The following KXD1 variants were observed in gnomAD, a reference collection of about 807,000 sequenced individuals.
KXD1 encodes the protein kxDL motif-containing protein 1.
In KXD1, 5 loss-of-function variants were observed where a neutral mutation model predicts 12.1. The ratio of observed to expected loss-of-function variants is 0.41; its 90% CI spans 0.22 to 0.87. The LOEUF is 0.87. KXD1 is among the 40% of genes least tolerant of loss of function. KXD1 has a pLI of 0.31. For synonymous variants in KXD1, 98 were observed against 100.5 expected (o/e 0.98, Z 0.15); for missense variants, 193 against 244.9 (o/e 0.79, Z 1.41).
chr19:18,567,171 C>T lies in KXD1; in HGVS notation c.294C>T (p.Ala98=). 1 of 1,614,186 alleles carries T rather than the reference C, an allele frequency of 6.2e-7. No homozygotes were observed. Among genetic ancestry groups the T allele is most frequent in the South Asian group, 1.1e-5 (1 of 91,086 alleles). The change falls in exon 4 of 5, where the codon GCC becomes GCT. Residue 98 remains alanine, a synonymous_variant. Transcript: ENST00000222307. ...KGKLARQHPE[A]FSHIPEASFL... ...AACTGGCCAGGCAGCACCCAGAGGC[C>T]TTCAGCCGTAAGTGTCACGCAGGGT... is the stretch of plus-strand genomic sequence containing the variant.
At chr19:18,567,250 CA>C in intron 4 of KXD1, 72 bp downstream of exon 4, 1 of 1,478,008 alleles carries the variant, frequency 6.8e-7, no homozygotes, top group Non-Finnish European at 9.4e-7. Context: ...TCTGGAAGGC[CA>C]CCTTGGGGCC....
chr19:18,566,282 C>CTACTAAAAATACAAAAAA (rs1975223806), intron 3 of KXD1, among the ~76,000 whole-genome samples: 2 of 151,898 alleles, frequency 1.3e-5, no homozygotes, highest in Non-Finnish European at 2.9e-5. Flanking sequence ...AACCCCGTCT[C>CTACTAAAAATACAAAAAA]TACTAAAAAT....
rs556946170 is a variant in KXD1 at position 18,564,350 on chromosome 19, G to A, written c.102-519G>A. The stretch of plus-strand genomic sequence containing the variant: ...AAAAGAGTCTGATTGGGCCAGGCAC[G>A]ATGGCTCACTCCTGTAATCCCAGCA... On this transcript the variant is annotated intron_variant, in intron 2 of 4. Transcript: ENST00000222307. 7.0e-4 allele frequency among the ~76,000 whole-genome samples: 106 copies of A among 152,158 alleles called. 2 individuals are homozygous for A. The South Asian group carries it at 0.021, about 30-fold the overall frequency.
intron 4 of KXD1, 121 bp downstream of exon 4, chr19:18,567,299 G>A: frequency 1.0e-6 from 1 of 994,292 alleles, no homozygotes; most frequent in East Asian, 2.5e-5. Flanking sequence ...AGTGGGTCTG[G>A]GGAAACCTGG....
At chr19:18,564,194 T>A (rs1975081852) in intron 2 of KXD1, among the ~76,000 whole-genome samples, 1 of 151,648 alleles carries the variant, frequency 6.6e-6, no homozygotes, top group African/African-American at 2.4e-5. Flanking sequence ...TGGTCTCCTG[T>A]TTTTTTAGGT....
chr19:18,564,771 T>A, intron 2 of KXD1, 98 bp from the exon 3 acceptor site: 1 of 1,369,178 alleles, frequency 7.3e-7, no homozygotes, highest in East Asian at 2.3e-5. Context: ...GCAAAGGTTG[T>A]GAAGCAGGCA....
In KXD1 at chr19:18,568,812, G is replaced by A. The variant is rs1287356254; in HGVS notation, c.*181G>A. On this transcript the variant is annotated 3_prime_UTR_variant, in exon 5 of 5. Coordinates refer to ENST00000222307, the MANE Select transcript of KXD1 (RefSeq NM_024069.4). ...AATTCCTGGGGGGGTCTTTAATTCTGGCTCCTTCCTTCCTCAGAACATCTC... is the reference window on the plus strand; with the variant it reads ...AATTCCTGGGGGGGTCTTTAATTCTAGCTCCTTCCTTCCTCAGAACATCTC... 3.3e-6 allele frequency: 2 copies of A among 597,350 alleles called. No individual in the cohort carries two copies. Among genetic ancestry groups the A allele is most frequent in the Admixed American group, 3.0e-5 (1 of 33,348 alleles). 37.0% of individuals were successfully genotyped at this position (597,350 alleles called of 1,614,324 possible).
chr19:18,568,058 G>A (rs1274067905), intron 4 of KXD1, among the ~76,000 whole-genome samples: 1 of 152,008 alleles, frequency 6.6e-6, no homozygotes, highest in African/African-American at 2.4e-5. Flanking sequence ...ACCTGAGGTC[G>A]GGAGTTCGAT....
At chr19:18,565,276 C>T (rs1163729940) in intron 3 of KXD1, 1 of 1,064,710 alleles carries the variant, frequency 9.4e-7, no homozygotes, top group East Asian at 2.8e-5. Context: ...GTTGCCCAGG[C>T]TGGAGTGCAG....
rs116249473 is a variant in KXD1 at position 18,568,253 on chromosome 19, G to A, written c.302-149G>A. ...TTGCACTCTAGCCTGGGCAAAGAGC[G>A]AAACTCCGTCTCAAAAAAAAAAAAA... On this transcript the variant is annotated intron_variant, in intron 4 of 4. Transcript: ENST00000222307. 3,431 of 644,410 alleles carry A rather than the reference G, an allele frequency of 5.3e-3. 102 individuals carry two copies. In the African/African-American group the frequency reaches 0.061, roughly 11 times the overall value. The allele number at this position is 644,410 out of a possible 1,614,324, so 39.9% of individuals were successfully genotyped here.
intron 2 of KXD1, among the ~76,000 whole-genome samples, chr19:18,563,077 C>T (rs960989265): frequency 6.6e-6 from 1 of 152,160 alleles, no homozygotes; most frequent in Non-Finnish European, 1.5e-5. Flanking sequence ...TTTCTTAACT[C>T]ATCAGCTGTC....
intron 2 of KXD1, among the ~76,000 whole-genome samples, chr19:18,563,077 C>A (rs960989265): frequency 6.6e-6 from 1 of 152,160 alleles, no homozygotes; most frequent in Non-Finnish European, 1.5e-5. Context: ...TTTCTTAACT[C>A]ATCAGCTGTC....
chr19:18,568,783 G>A lies in KXD1; in HGVS notation c.*152G>A, dbSNP rs1465540329. 3 of 616,704 alleles carry A rather than the reference G, an allele frequency of 4.9e-6. No individual in the cohort carries two copies. The highest frequency in any genetic ancestry group is 3.7e-5 in the African/African-American group (2 of 53,994). 38.2% of individuals were successfully genotyped at this position (616,704 alleles called of 1,614,324 possible). A position where few individuals can be genotyped will look rare whatever the true frequency, so the allele number is the denominator to read the frequency against. On this transcript the variant is annotated 3_prime_UTR_variant, in exon 5 of 5. Transcript: ENST00000222307. ...GGGACAAGGCTCTCTCCCGAGGGGT[G>A]TGGAATTCCTGGGGGGGTCTTTAAT...
intron 4 of KXD1, 60 bp downstream of exon 4, chr19:18,567,238 C>A: frequency 6.4e-7 from 1 of 1,567,930 alleles, no homozygotes; most frequent in Non-Finnish European, 8.8e-7. Flanking sequence ...CCAGGGCAGG[C>A]TTCTGGAAGG....
chr19:18,561,761 T>C (rs1600563115), intron 1 of KXD1: 1 of 246,888 alleles, frequency 4.1e-6, no homozygotes. Context: ...GAGGTACCTG[T>C]GGCCTTGGGC....
intron 4 of KXD1, among the ~76,000 whole-genome samples, chr19:18,567,741 C>T (rs1003194322): frequency 3.3e-5 from 5 of 152,186 alleles, no homozygotes; most frequent in Non-Finnish European, 5.9e-5. Flanking sequence ...GGGTTCACAC[C>T]ATCTGTTGAA....
In KXD1 at chr19:18,567,145, A is replaced by C; in HGVS notation, c.268A>C (p.Lys90Gln). 6.2e-7 allele frequency: 1 copy of C among 1,614,140 alleles called. No homozygotes were observed. Among genetic ancestry groups the C allele is most frequent in the Non-Finnish European group, 8.5e-7 (1 of 1,179,994 alleles). The part of the protein sequence containing the change: ...IFRRIRTLKG[K>Q]LARQHPEAFS... ...TCTCCCCTGCAGGACGCTGAAAGGGAAACTGGCCAGGCAGCACCCAGAGGC... is the reference window on the plus strand; with the variant it reads ...TCTCCCCTGCAGGACGCTGAAAGGGCAACTGGCCAGGCAGCACCCAGAGGC... Residue 90 changes from lysine to glutamine, a missense_variant, in exon 4 of 5, where the codon AAA (lysine) becomes CAA (glutamine). Lys to Gln is a moderately conservative substitution (Grantham distance 53). Transcript: ENST00000222307.
At chr19:18,565,170 A>G in intron 3 of KXD1, 149 bp downstream of exon 3, 1 of 1,425,868 alleles carries the variant, frequency 7.0e-7, no homozygotes, top group South Asian at 1.6e-5. Flanking sequence ...GACAATTCCA[A>G]CCCTGGGATA....
intron 3 of KXD1, among the ~76,000 whole-genome samples, chr19:18,565,419 T>C (rs1004500971): frequency 6.6e-6 from 1 of 151,996 alleles, no homozygotes; most frequent in Non-Finnish European, 1.5e-5. Flanking sequence ...TTAGTGGAGA[T>C]GGGGTTTCAC....
Sources: allele counts gnomAD v4.1 joint callset (sites outside exome capture counted in the v4.1 genomes callset), GRCh38; gene constraint gnomAD v4.1.1; transcripts MANE v1.5; gene names NCBI Gene and HGNC (gene_info 2026-07-23, HGNC 2026-07-21).